The following SPTLC1 variants were observed in gnomAD, a reference collection of about 807,000 sequenced individuals.
SPTLC1 encodes serine palmitoyltransferase long chain base subunit 1, also known as serine palmitoyltransferase 1.
In SPTLC1, 55 loss-of-function variants were observed where a neutral mutation model predicts 68.9. The ratio of observed to expected loss-of-function variants is 0.80; its 90% CI spans 0.64 to 1.00. The LOEUF (loss-of-function observed/expected upper bound fraction) is 1.00, where lower values mean the gene tolerates loss of function less well. Among genes scored for constraint, SPTLC1 ranks in the 50% least tolerant of loss-of-function variants. SPTLC1 has a pLI of 0.00. For missense variants in SPTLC1, 449 were observed against 573.1 expected (o/e 0.78, Z 2.21); for synonymous variants, 197 against 201.6 (o/e 0.98, Z 0.19).
chr9:92,032,265 C>T lies in SPTLC1; in HGVS notation c.*200G>A. ...CCTCTTAAAAAAATCAGTTCCTGGGCTTTTAGATGTGTTTTCTTTTTAAAA... is the reference window on the plus strand; with the variant it reads ...CCTCTTAAAAAAATCAGTTCCTGGGTTTTTAGATGTGTTTTCTTTTTAAAA... On this transcript the variant is annotated 3_prime_UTR_variant, in exon 15 of 15. Coordinates refer to ENST00000262554, the MANE Select transcript of SPTLC1 (RefSeq NM_006415.4). 1 of 1,529,188 alleles carries T rather than the reference C, an allele frequency of 6.5e-7. No individual in the cohort carries two copies. Among genetic ancestry groups the T allele is most frequent in the Non-Finnish European group, 8.7e-7 (1 of 1,143,654 alleles). 94.7% of individuals were successfully genotyped at this position (1,529,188 alleles called of 1,614,324 possible).
At chr9:92,108,961 T>C (rs1836117285) in intron 2 of SPTLC1, 127 bp from the exon 3 acceptor site, 1 of 1,421,790 alleles carries the variant, frequency 7.0e-7, no homozygotes, top group East Asian at 2.5e-5. Flanking sequence ...GTCACTCTTA[T>C]TCAAGCTTAT....
intron 6 of SPTLC1, among the ~76,000 whole-genome samples, chr9:92,064,183 C>T (rs7860518): frequency 0.34 from 51,490 of 152,046 alleles, 12,350 homozygotes; most frequent in African/African-American, 0.67. Flanking sequence ...AAAAAATCCA[C>T]TTCATTTCTA....
chr9:92,098,379 C>A (rs1835619116), intron 3 of SPTLC1, among the ~76,000 whole-genome samples: 1 of 152,000 alleles, frequency 6.6e-6, no homozygotes, highest in African/African-American at 2.4e-5. Context: ...CCCTGGCCCT[C>A]CCCCTGCGGA....
chr9:92,080,973 A>G lies in SPTLC1; in HGVS notation c.261-10T>C, dbSNP rs547224007. ...TTTGTGGCTTGGAGGGCTAGGGAAG[A>G]GATAGAGTGGTACATGTCAATTACA... is the stretch of plus-strand genomic sequence containing the variant. On this transcript the variant is annotated splice_polypyrimidine_tract_variant and intron_variant, in intron 3 of 14. Coordinates refer to ENST00000262554, the MANE Select transcript of SPTLC1 (RefSeq NM_006415.4). The G allele has an allele frequency of 4.4e-6, 7 of 1,602,046 alleles. No homozygotes were observed. Among genetic ancestry groups the G allele is most frequent in the Non-Finnish European group, 6.0e-6 (7 of 1,169,326 alleles).
At chr9:92,072,141 G>A (rs1307815977) in intron 5 of SPTLC1, among the ~76,000 whole-genome samples, 3 of 151,898 alleles carry the variant, frequency 2.0e-5, no homozygotes, top group South Asian at 2.1e-4. Context: ...ATTCGGTGCC[G>A]AAAGCCCGGG....
Position 92,032,535 on chromosome 9 carries a change from T to C in SPTLC1, c.1352A>G (p.Glu451Gly), listed in dbSNP as rs764870101. Residue 451 changes from glutamate (E) to glycine (G), a missense_variant, in exon 15 of 15, where the codon GAA becomes GGA. Transcript: ENST00000262554. ...PPSIRVVVTV[E>G]QTEEELERAA... ...TCTCTCCAGTTCTTCCTCTGTTTGTTCCACCGTGACCACAACCCGAATGCT... is the reference window on the plus strand; with the variant it reads ...TCTCTCCAGTTCTTCCTCTGTTTGTCCCACCGTGACCACAACCCGAATGCT... The C allele has an allele frequency of 6.2e-7, 1 of 1,614,136 alleles. No individual in the cohort carries two copies. Among genetic ancestry groups the C allele is most frequent in the Non-Finnish European group, 8.5e-7 (1 of 1,180,034 alleles).
chr9:92,049,049 T>C (rs1833614121), intron 9 of SPTLC1, among the ~76,000 whole-genome samples: 1 of 152,202 alleles, frequency 6.6e-6, no homozygotes, highest in Admixed American at 6.5e-5. Flanking sequence ...TACACTTCCA[T>C]TTATCTTTCC....
In SPTLC1 at chr9:92,048,601, C is replaced by T. The variant is rs528882293; in HGVS notation, c.889-893G>A. Among the ~76,000 whole-genome samples the T allele has an allele frequency of 3.3e-5, 5 of 152,314 alleles. No homozygotes were observed. In the South Asian group the frequency reaches 1.0e-3, roughly 32 times the overall value. ...ACCTTGCTTCACCTATATCCCCTAC[C>T]ACCCTCATCATTTCTTTGTAGTGAG... is the stretch of plus-strand genomic sequence containing the variant. On this transcript the variant is annotated intron_variant, in intron 9 of 14. Coordinates refer to ENST00000262554, the MANE Select transcript of SPTLC1 (RefSeq NM_006415.4).
rs756179028 is a variant in SPTLC1, at chr9:92,112,482, T to G, written c.138A>C (p.Leu46Phe). 1 of 1,609,230 alleles carries G rather than the reference T, an allele frequency of 6.2e-7. No individual in the cohort carries two copies. Among genetic ancestry groups the G allele is most frequent in the Non-Finnish European group, 8.5e-7 (1 of 1,177,232 alleles). Reference protein sequence around the residue: ...IRLLFSKTYKLQERSDLTVKE... With the variant: ...IRLLFSKTYKFQERSDLTVKE... ...TGACTGTAAGATCAGATCGTTCTTGTAATTTGTAAGTCTTAGAGAAAAGAA... is the reference window on the plus strand; with the variant it reads ...TGACTGTAAGATCAGATCGTTCTTGGAATTTGTAAGTCTTAGAGAAAAGAA... The change falls in exon 2 of 15, where the codon TTA (leucine) becomes TTC (phenylalanine). Residue 46 changes from leucine to phenylalanine, a missense_variant. Transcript: ENST00000262554.
chr9:92,051,264 TAATA>T, intron 8 of SPTLC1: 1 of 984,736 alleles, frequency 1.0e-6, no homozygotes, highest in Non-Finnish European at 1.2e-6. Flanking sequence ...CTTATTCAAT[TAATA>T]GACTCCTAGA....
intron 3 of SPTLC1, chr9:92,105,543 G>T (rs2118810436): frequency 3.4e-6 from 2 of 592,056 alleles, no homozygotes; most frequent in East Asian, 5.8e-5. Context: ...TGGGAAGTGA[G>T]GAGCGCCTCT....
rs541521669 is a variant in SPTLC1, at chr9:92,051,173, T to C, written c.781-1106A>G. 40 of 981,898 alleles carry C rather than the reference T, an allele frequency of 4.1e-5. No individual in the cohort carries two copies. In the South Asian group the frequency reaches 5.7e-4, roughly 14 times the overall value. The allele number at this position is 981,898 out of a possible 1,614,324, so 60.8% of individuals were successfully genotyped here. ...GAAGAAAACAAATACATCTCTTCTA[T>C]TGATACTTAAAATATATTTAGATTT... On this transcript the variant is annotated intron_variant, in intron 8 of 14. Transcript: ENST00000262554.
In SPTLC1 at chr9:92,032,551, C is replaced by T. The variant is rs1833001719; in HGVS notation, c.1336G>A (p.Val446Ile). The T allele has an allele frequency of 1.2e-6, 2 of 1,614,160 alleles. No individual in the cohort carries two copies. Among genetic ancestry groups the T allele is most frequent in the Non-Finnish European group, 1.7e-6 (2 of 1,180,034 alleles). Residue 446 changes from valine to isoleucine, a missense_variant, in exon 15 of 15, where the codon GTT becomes ATT. Val to Ile is a conservative substitution (Grantham distance 29, BLOSUM62 3). Coordinates refer to ENST00000262554, the MANE Select transcript of SPTLC1 (RefSeq NM_006415.4). ...TCTGTTTGTTCCACCGTGACCACAACCCGAATGCTGAGAACAGTAAAGGAC... is the reference window on the plus strand; with the variant it reads ...TCTGTTTGTTCCACCGTGACCACAATCCGAATGCTGAGAACAGTAAAGGAC... ...EKCLPPPSIRVVVTVEQTEEE... is the reference protein window; with the variant it reads ...EKCLPPPSIRIVVTVEQTEEE...
chr9:92,075,960 T>C (rs375563055), intron 5 of SPTLC1, among the ~76,000 whole-genome samples: 5 of 152,212 alleles, frequency 3.3e-5, no homozygotes, highest in Non-Finnish European at 7.3e-5. Context: ...ACTTGGTTTA[T>C]TGATGGCAGT....
chr9:92,064,956 A>G lies in SPTLC1; in HGVS notation c.560+3010T>C, dbSNP rs535477476. On this transcript the variant is annotated intron_variant, in intron 6 of 14. Transcript: ENST00000262554. ...TTGCCAGGAGTTAAGGAGTGGGCAG[A>G]TGGGAGGAATGTGGATGTGGCAACA... Among the ~76,000 whole-genome samples the G allele has an allele frequency of 2.0e-5, 3 of 152,372 alleles. No individual in the cohort carries two copies. The East Asian group carries it at 5.8e-4, about 29-fold the overall frequency.
intron 3 of SPTLC1, chr9:92,105,341 C>G (rs774729916): frequency 2.6e-6 from 4 of 1,517,342 alleles, no homozygotes; most frequent in Non-Finnish European, 3.5e-6. Context: ...GGGCAACATG[C>G]GTAAGAACAT....
intron 5 of SPTLC1, chr9:92,079,265 G>A (rs1480642669): frequency 6.6e-6 from 4 of 607,598 alleles, no homozygotes; most frequent in Non-Finnish European, 9.8e-6. Context: ...TAGTAGAGAC[G>A]AGGTTTCAGC....
At chr9:92,034,022 C>T (rs900783873) in intron 14 of SPTLC1, among the ~76,000 whole-genome samples, 1 of 152,238 alleles carries the variant, frequency 6.6e-6, no homozygotes, top group African/African-American at 2.4e-5. Flanking sequence ...GGCTTGCACT[C>T]TGTACTCCCA....
chr9:92,106,688 G>A (rs1311767941), intron 3 of SPTLC1, among the ~76,000 whole-genome samples: 1 of 151,920 alleles, frequency 6.6e-6, no homozygotes, highest in Non-Finnish European at 1.5e-5. Flanking sequence ...AGTAAAATTT[G>A]ATATCCATAA....
Sources: gnomAD v4.1 joint callset for allele counts (sites outside exome capture counted in the v4.1 genomes callset) on GRCh38, gnomAD v4.1.1 for gene constraint, MANE v1.5 for transcripts, NCBI Gene and HGNC (gene_info 2026-07-23, HGNC 2026-07-21) for gene names.